The following PUS7 variants were observed in gnomAD, a reference collection of about 807,000 sequenced individuals.
PUS7 encodes the protein pseudouridylate synthase 7 homolog.
A neutral mutation model predicts 79.8 loss-of-function variants in PUS7; 48 were observed. The ratio of observed to expected loss-of-function variants is 0.60; its 90% confidence interval spans 0.48 to 0.76. PUS7 has a LOEUF of 0.76. PUS7 is among the 30% of genes least tolerant of loss of function. The pLI, the probability that PUS7 is intolerant of heterozygous loss-of-function variation, is 0.00. For synonymous variants in PUS7, 286 were observed against 272.2 expected (o/e 1.05, Z -0.50); for missense variants, 729 against 797.6 (o/e 0.91, Z 1.04).
intron 7 of PUS7, among the ~76,000 whole-genome samples, chr7:105,489,230 A>G (rs1195619187): frequency 4.0e-5 from 6 of 151,778 alleles, no homozygotes; most frequent in African/African-American, 9.7e-5. Context: ...CAGAAACAAA[A>G]TTCACAGAGC....
chr7:105,475,453 G>A (rs1396557113), intron 9 of PUS7, among the ~76,000 whole-genome samples: 1 of 151,854 alleles, frequency 6.6e-6, no homozygotes, highest in Non-Finnish European at 1.5e-5. Context: ...CTGGAGTGCT[G>A]GGATTACAGG....
intron 5 of PUS7, among the ~76,000 whole-genome samples, chr7:105,499,322 T>G (rs1485204865): frequency 2.6e-5 from 4 of 152,228 alleles, no homozygotes; most frequent in Non-Finnish European, 5.9e-5. Context: ...AGAGCTTCTT[T>G]GTACCTGTCT....
intron 7 of PUS7, among the ~76,000 whole-genome samples, chr7:105,490,305 C>T (rs975978534): frequency 6.5e-4 from 99 of 152,236 alleles, no homozygotes; most frequent in African/African-American, 2.3e-3. Context: ...CCATCACCCC[C>T]AGAAGTTTCC....
intron 11 of PUS7, among the ~76,000 whole-genome samples, chr7:105,470,102 G>A (rs1823813290): frequency 6.6e-6 from 1 of 152,174 alleles, no homozygotes; most frequent in Non-Finnish European, 1.5e-5. Context: ...CTAAATGATT[G>A]AACTGACAAC....
chr7:105,492,742 C>T (rs1335538268), intron 6 of PUS7, among the ~76,000 whole-genome samples: 6 of 151,662 alleles, frequency 4.0e-5, no homozygotes, highest in Middle Eastern at 3.2e-3. Flanking sequence ...CTCCTGACCT[C>T]GTGATCCGCC....
chr7:105,463,394 C>A (rs11772023), intron 13 of PUS7, among the ~76,000 whole-genome samples: 1 of 152,198 alleles, frequency 6.6e-6, no homozygotes, highest in African/African-American at 2.4e-5. Flanking sequence ...GTCATAAGTA[C>A]TGGATCTTTC....
intron 1 of PUS7, among the ~76,000 whole-genome samples, chr7:105,512,291 T>C (rs1437389463): frequency 6.6e-6 from 1 of 152,088 alleles, no homozygotes; most frequent in Non-Finnish European, 1.5e-5. Flanking sequence ...AAGCATTTAC[T>C]CTTTGTCCTG....
chr7:105,460,724 G>A (rs1466366286), intron 14 of PUS7, among the ~76,000 whole-genome samples: 1 of 150,828 alleles, frequency 6.6e-6, no homozygotes, highest in African/African-American at 2.4e-5. Context: ...CGTGGTAGCG[G>A]GCGCCTGTAG....
chr7:105,494,473 A>T (rs1391925695), intron 6 of PUS7, among the ~76,000 whole-genome samples: 1 of 142,232 alleles, frequency 7.0e-6, no homozygotes, highest in Non-Finnish European at 1.5e-5. Context: ...GCAGTGGCAC[A>T]ATCTCGGCTT....
At chr7:105,485,217 T>C (rs941846564) in intron 7 of PUS7, among the ~76,000 whole-genome samples, 10 of 152,062 alleles carry the variant, frequency 6.6e-5, no homozygotes, top group African/African-American at 2.2e-4. Context: ...GTTGTTGTCG[T>C]CGTTGTTTTT....
chr7:105,471,941 T>C (rs61208284), intron 10 of PUS7, among the ~76,000 whole-genome samples, 191 bp downstream of exon 10: 18,181 of 145,514 alleles, frequency 0.12, 1,842 homozygotes, highest in African/African-American at 0.28. Flanking sequence ...TAAAATAGGA[T>C]ATAAATTATA....
At chr7:105,501,932 G>C (rs1304525477) in intron 5 of PUS7, among the ~76,000 whole-genome samples, 1 of 139,878 alleles carries the variant, frequency 7.1e-6, no homozygotes, top group East Asian at 2.1e-4. Flanking sequence ...TCCAGCCTGG[G>C]CGACAGGGCG....
chr7:105,486,931 A>T (rs148463672), intron 7 of PUS7, among the ~76,000 whole-genome samples: 6,725 of 152,032 alleles, frequency 0.044, 217 homozygotes, highest in South Asian at 0.13. Context: ...ATGGTGGTGC[A>T]CACCTGTAAT....
chr7:105,464,237 CAA>C (rs1586089274), intron 13 of PUS7, among the ~76,000 whole-genome samples: 1 of 52,990 alleles, frequency 1.9e-5, no homozygotes, highest in East Asian at 7.8e-4. Flanking sequence ...TTTTGGGTGT[CAA>C]CTTGACTGGG....
intron 7 of PUS7, among the ~76,000 whole-genome samples, chr7:105,486,261 A>C (rs1824545784): frequency 6.6e-6 from 1 of 151,604 alleles, no homozygotes; most frequent in Non-Finnish European, 1.5e-5. Context: ...CCATGTTGGC[A>C]AGGCTGGTCT....
intron 1 of PUS7, among the ~76,000 whole-genome samples, chr7:105,516,383 G>A (rs1354973172): frequency 3.3e-5 from 5 of 152,110 alleles, no homozygotes; most frequent in Admixed American, 3.3e-4. Context: ...GACTAGGAAA[G>A]GCAAAACTCA....
intron 5 of PUS7, among the ~76,000 whole-genome samples, chr7:105,497,351 C>T (rs1825079442): frequency 6.6e-6 from 1 of 152,136 alleles, no homozygotes; most frequent in Admixed American, 6.6e-5. Context: ...TACCAAAATG[C>T]TATTTGTGAT....
chr7:105,486,350 G>A (rs568099309), intron 7 of PUS7, among the ~76,000 whole-genome samples: 2 of 152,268 alleles, frequency 1.3e-5, no homozygotes, highest in South Asian at 4.1e-4. Context: ...ACCGCACCCA[G>A]CTGTACATAT....
intron 11 of PUS7, among the ~76,000 whole-genome samples, chr7:105,468,674 C>G (rs1350327288): frequency 6.7e-6 from 1 of 148,336 alleles, no homozygotes; most frequent in African/African-American, 2.5e-5. Context: ...TACACCACCA[C>G]ACCTGTCTAA....
Sources: gnomAD v4.1 joint callset for allele counts (sites outside exome capture counted in the v4.1 genomes callset) on GRCh38, gnomAD v4.1.1 for gene constraint, MANE v1.5 for transcripts, NCBI Gene and HGNC (gene_info 2026-07-23, HGNC 2026-07-21) for gene names.